ABCG8: variants seen among roughly 807,000 people sequenced by gnomAD.
ABCG8 encodes ATP binding cassette subfamily G member 8, also known as ATP-binding cassette sub-family G member 8.
In ABCG8, 81 loss-of-function variants were observed where a neutral mutation model predicts 71.3. The ratio of observed to expected loss-of-function variants is 1.14; its 90% CI spans 0.95 to 1.37. The LOEUF (loss-of-function observed/expected upper bound fraction) is 1.37. ABCG8 is among the 40% of genes most tolerant of loss of function. The pLI, the probability that ABCG8 is intolerant of heterozygous loss-of-function variation, is 0.00. For synonymous variants in ABCG8, 451 were observed against 354.7 expected, an observed-to-expected ratio of 1.27 and a Z score of -3.05; for missense variants, 1,119 against 866.2, an observed-to-expected ratio of 1.29 and a Z score of -3.66.
intron 6 of ABCG8, 124 bp downstream of exon 6, chr2:43,852,992 C>A: frequency 1.6e-6 from 2 of 1,275,948 alleles, no homozygotes; most frequent in Non-Finnish European, 2.2e-6. Context: ...AGAGGAGGAG[C>A]AATGATGGGG....
intron 6 of ABCG8, among the ~76,000 whole-genome samples, chr2:43,866,282 CG>C (rs539005021): frequency 0.037 from 5,464 of 147,586 alleles, 122 homozygotes; most frequent in Middle Eastern, 0.097. Context: ...GACATAGGCA[CG>C]GGCAAGGACT....
intron 3 of ABCG8, among the ~76,000 whole-genome samples, chr2:43,849,242 C>T (rs1668838507): frequency 6.6e-6 from 1 of 151,662 alleles, no homozygotes; most frequent in African/African-American, 2.4e-5. Flanking sequence ...TAAAGAACTA[C>T]CTGAGACTGG....
At chr2:43,861,501 A>G (rs1669318187) in intron 6 of ABCG8, among the ~76,000 whole-genome samples, 1 of 150,760 alleles carries the variant, frequency 6.6e-6, no homozygotes, top group African/African-American at 2.4e-5. Flanking sequence ...TAGAATTCTC[A>G]CTCTCTGGAT....
At chr2:43,876,700 A>G (rs1216975594) in intron 11 of ABCG8, among the ~76,000 whole-genome samples, 1 of 150,286 alleles carries the variant, frequency 6.7e-6, no homozygotes, top group Non-Finnish European at 1.5e-5. Context: ...GACCATGTCA[A>G]TATAAAGGAG....
chr2:43,851,516 G>A (rs1668913506), intron 3 of ABCG8, 68 bp from the exon 4 acceptor site: 1 of 1,549,548 alleles, frequency 6.5e-7, no homozygotes, highest in African/African-American at 1.4e-5. Flanking sequence ...AGTGTATGGG[G>A]AGCAGTGGCT....
chr2:43,874,512 C>CA, intron 10 of ABCG8, 29 bp downstream of exon 10: 1 of 1,563,166 alleles, frequency 6.4e-7, no homozygotes. Context: ...GAGCAAGTGC[C>CA]CCCCACCCAC....
intron 6 of ABCG8, among the ~76,000 whole-genome samples, chr2:43,859,327 C>T (rs1361699600): frequency 6.6e-6 from 1 of 151,300 alleles, no homozygotes; most frequent in African/African-American, 2.4e-5. Context: ...ATAGAATTCT[C>T]GCCATCTGCA....
intron 3 of ABCG8, among the ~76,000 whole-genome samples, chr2:43,849,451 C>T (rs138289658): frequency 1.3e-3 from 199 of 152,302 alleles, no homozygotes; most frequent in African/African-American, 4.6e-3. Context: ...CACTCACTAT[C>T]ATGAGAACAG....
chr2:43,844,629 A>G (rs746443709), intron 2 of ABCG8, 21 bp downstream of exon 2: 2 of 1,586,378 alleles, frequency 1.3e-6, no homozygotes, highest in Non-Finnish European at 1.7e-6. Context: ...GCCTGGGTTC[A>G]AGGGGAGAGG....
At chr2:43,863,107 C>A (rs1398403525) in intron 6 of ABCG8, among the ~76,000 whole-genome samples, 1 of 151,370 alleles carries the variant, frequency 6.6e-6, no homozygotes, top group Admixed American at 6.6e-5. Context: ...CTCTCACTAT[C>A]TATCTGGATA....
intron 6 of ABCG8, among the ~76,000 whole-genome samples, chr2:43,862,999 C>A (rs1326422053): frequency 6.6e-6 from 1 of 151,338 alleles, no homozygotes; most frequent in Admixed American, 6.6e-5. Context: ...AGAACTCTCA[C>A]TATCTGGATA....
Position 43,874,062 on chromosome 2 carries a change from G to A in ABCG8, c.1411+76G>A, listed in dbSNP as rs753326327. On this transcript the variant is annotated intron_variant, in intron 9 of 12. Transcript: ENST00000272286. Reference sequence around the variant, plus strand: ...CTGTGTTCCTCTGAGCTCCTGGGGAGCGGGTTTGATTTCATTGTGATTGTG... The same window carrying A: ...CTGTGTTCCTCTGAGCTCCTGGGGAACGGGTTTGATTTCATTGTGATTGTG... 5 of 1,406,342 alleles carry A rather than the reference G, an allele frequency of 3.6e-6. No homozygotes were observed. In the East Asian group the frequency reaches 7.6e-5, roughly 21 times the overall value. 87.1% of individuals were successfully genotyped at this position (1,406,342 alleles called of 1,614,324 possible).
intron 2 of ABCG8, 106 bp downstream of exon 2, chr2:43,844,714 C>G (rs1668688663): frequency 3.7e-6 from 3 of 812,434 alleles, no homozygotes; most frequent in African/African-American, 3.4e-5. Context: ...CCTCTGCCCG[C>G]AAGGACAGAG....
At chr2:43,845,059 G>T (rs1279987320) in intron 2 of ABCG8, among the ~76,000 whole-genome samples, 3 of 148,204 alleles carry the variant, frequency 2.0e-5, no homozygotes, top group Admixed American at 1.4e-4. Context: ...ACTTTATTCA[G>T]ATTTCATTAG....
At chr2:43,842,540 C>A (rs1339618860) in intron 1 of ABCG8, among the ~76,000 whole-genome samples, 1 of 151,994 alleles carries the variant, frequency 6.6e-6, no homozygotes. Context: ...GCTTTGGCAA[C>A]TGGGGTTGAG....
rs1032043614 is a variant in ABCG8, at chr2:43,877,868, C to A, written c.1977C>A (p.Tyr659Ter). 4 of 1,614,000 alleles carry A rather than the reference C, an allele frequency of 2.5e-6. No individual in the cohort carries two copies. Among genetic ancestry groups the A allele is most frequent in the Middle Eastern group, 1.6e-4 (1 of 6,084 alleles). ...GLSGGFMVLYYVSLRFIKQKP... is the reference protein window; with the variant it reads ...GLSGGFMVLY ...GCGGTGGCTTCATGGTCCTGTACTACGTGTCCTTAAGGTTCATCAAACAGA... is the reference window on the plus strand; with the variant it reads ...GCGGTGGCTTCATGGTCCTGTACTAAGTGTCCTTAAGGTTCATCAAACAGA... The change falls in exon 13 of 13, where the codon TAC becomes TAA. Residue 659 changes from tyrosine to a stop codon, truncating the protein, a stop_gained. Transcript: ENST00000272286. LOFTEE classifies it high-confidence loss of function.
chr2:43,839,169 C>CA (rs1160472867), intron 1 of ABCG8, 53 bp downstream of exon 1: 1 of 1,533,174 alleles, frequency 6.5e-7, no homozygotes, highest in Non-Finnish European at 8.8e-7. Flanking sequence ...TAGGAGAAAT[C>CA]AAACCTTTCT....
chr2:43,864,163 TCA>T, intron 6 of ABCG8, among the ~76,000 whole-genome samples: 1 of 151,480 alleles, frequency 6.6e-6, no homozygotes, highest in South Asian at 2.1e-4. Flanking sequence ...GATAAAATAC[TCA>T]CTCTCTGGAT....
intron 6 of ABCG8, among the ~76,000 whole-genome samples, chr2:43,857,079 A>G (rs533543150): frequency 4.5e-4 from 68 of 151,724 alleles, no homozygotes; most frequent in African/African-American, 1.3e-3. Flanking sequence ...CACTATCTGC[A>G]TAGAATTCTA....
Sources: gnomAD v4.1 joint callset for allele counts (sites outside exome capture counted in the v4.1 genomes callset) on GRCh38, gnomAD v4.1.1 for gene constraint, MANE v1.5 for transcripts, NCBI Gene and HGNC (gene_info 2026-07-23, HGNC 2026-07-21) for gene names.